NARS2: variants seen among roughly 807,000 people sequenced by gnomAD.
The protein encoded by NARS2 is asparaginyl-tRNA synthetase.
A neutral mutation model predicts 62.9 loss-of-function variants in NARS2; 60 were observed. The ratio of observed to expected loss-of-function variants is 0.95; its 90% confidence interval spans 0.77 to 1.18. The LOEUF is 1.18. Among genes scored for constraint, NARS2 ranks in the 50% most tolerant of loss-of-function variants. The probability of loss-of-function intolerance (pLI) is 0.00; values close to 1 mark genes in which losing one functional copy is unlikely to be tolerated. For synonymous variants in NARS2, 196 were observed against 200.0 expected (o/e 0.98, Z 0.17); for missense variants, 619 against 576.4 (o/e 1.07, Z -0.76).
chr11:78,559,204 G>T (rs577853047), intron 5 of NARS2, among the ~76,000 whole-genome samples: 7 of 149,296 alleles, frequency 4.7e-5, no homozygotes, highest in Non-Finnish European at 1.0e-4. Context: ...TCGGGAGGCC[G>T]AGGCAGGAGA....
chr11:78,515,336 G>T (rs1221792022), intron 6 of NARS2, among the ~76,000 whole-genome samples: 1 of 152,142 alleles, frequency 6.6e-6, no homozygotes, highest in Non-Finnish European at 1.5e-5. Flanking sequence ...GACACAGGTT[G>T]GGAGGTCCCA....
intron 9 of NARS2, among the ~76,000 whole-genome samples, 166 bp from the exon 10 acceptor site, chr11:78,469,479 A>T (rs1858775376): frequency 6.6e-6 from 1 of 152,258 alleles, no homozygotes; most frequent in African/African-American, 2.4e-5. Flanking sequence ...GCCTGAAGAC[A>T]AGTAACCATT....
At chr11:78,493,779 A>G (rs1004734733) in intron 6 of NARS2, among the ~76,000 whole-genome samples, 2 of 152,354 alleles carry the variant, frequency 1.3e-5, no homozygotes, top group East Asian at 1.9e-4. Flanking sequence ...ATATAGAAAC[A>G]TAACCACTTC....
Position 78,574,735 on chromosome 11 carries a change from C to G in NARS2, c.-247G>C, listed in dbSNP as rs578234669. On this transcript the variant is annotated 5_prime_UTR_variant, in exon 1 of 14. Transcript: ENST00000281038. ...ACACTAGGCAAACGCCAGAAAGAAA[C>G]CACGTGCAGTTGGCAGCTGGGGCGC... The G allele has an allele frequency of 4.2e-6, 2 of 479,894 alleles. No homozygotes were observed. The highest frequency in any genetic ancestry group is 7.6e-5 in the Admixed American group (2 of 26,144). 29.7% of individuals were successfully genotyped at this position (479,894 alleles called of 1,614,324 possible). A position where few individuals can be genotyped will look rare whatever the true frequency, so the allele number is the denominator to read the frequency against.
chr11:78,530,759 G>C (rs1229945826), intron 5 of NARS2, among the ~76,000 whole-genome samples: 1 of 152,166 alleles, frequency 6.6e-6, no homozygotes, highest in African/African-American at 2.4e-5. Context: ...GAGCCACCGT[G>C]CCCGGCCTAT....
chr11:78,448,543 C>T (rs1050047176), intron 11 of NARS2, among the ~76,000 whole-genome samples: 4 of 152,090 alleles, frequency 2.6e-5, no homozygotes, highest in Non-Finnish European at 5.9e-5. Context: ...GAGGTCTTGA[C>T]CTCGTGATCC....
intron 5 of NARS2, among the ~76,000 whole-genome samples, chr11:78,545,225 A>G (rs1175910990): frequency 2.0e-5 from 3 of 152,198 alleles, no homozygotes; most frequent in African/African-American, 4.8e-5. Context: ...CATATTATCT[A>G]TATTTGGGAA....
intron 11 of NARS2, among the ~76,000 whole-genome samples, chr11:78,452,087 T>A (rs1004561114): frequency 6.6e-6 from 1 of 152,130 alleles, no homozygotes; most frequent in Non-Finnish European, 1.5e-5. Flanking sequence ...TCAACTATGA[T>A]TCTTTTTTTA....
intron 4 of NARS2, among the ~76,000 whole-genome samples, chr11:78,563,794 G>A (rs1856632733): frequency 9.0e-6 from 1 of 111,538 alleles, no homozygotes; most frequent in South Asian, 3.4e-4. Flanking sequence ...TCATGCCACT[G>A]CACTCCAGCC....
At chr11:78,540,488 T>C (rs1855569403) in intron 5 of NARS2, among the ~76,000 whole-genome samples, 2 of 22,858 alleles carry the variant, frequency 8.7e-5, no homozygotes, top group Non-Finnish European at 3.9e-4. Context: ...ATGGAAAACT[T>C]ATTTGACCTC....
chr11:78,440,604 C>T (rs1857547330), intron 13 of NARS2, among the ~76,000 whole-genome samples: 1 of 152,002 alleles, frequency 6.6e-6, no homozygotes, highest in Non-Finnish European at 1.5e-5. Flanking sequence ...GTGATCTCAG[C>T]TCACTGCAAC....
At chr11:78,440,654 T>A (rs1001890247) in intron 13 of NARS2, among the ~76,000 whole-genome samples, 6 of 151,974 alleles carry the variant, frequency 3.9e-5, no homozygotes, top group African/African-American at 1.5e-4. Context: ...TGCCTCAGCC[T>A]CCCAAGTAGG....
rs747012924 is a variant in NARS2 at position 78,574,366 on chromosome 11, C to A, written c.123G>T (p.Gly41=). The part of the protein sequence containing the change: ...RDALGAQNAS[G]ERIKIQGWIR... ...CACCAACCTGGATCTTAATGCGCTC[C>A]CCACTCGCGTTCTGAGCCCCGAGAG... Residue 41 remains glycine, a synonymous_variant, in exon 1 of 14, where the codon GGG becomes GGT. Coordinates refer to ENST00000281038, the MANE Select transcript of NARS2 (RefSeq NM_024678.6). 2.8e-5 allele frequency: 45 copies of A among 1,614,114 alleles called. No homozygotes were observed. The highest frequency in any genetic ancestry group is 3.8e-5 in the Non-Finnish European group (45 of 1,180,042).
rs377023107 is a variant in NARS2, at chr11:78,475,580, C to CTTTT, written c.959+2854_959+2857dup. Among the ~76,000 whole-genome samples, 35 of 93,974 alleles carry CTTTT rather than the reference C, an allele frequency of 3.7e-4. 2 individuals are homozygous for CTTTT. Among genetic ancestry groups the CTTTT allele is most frequent in the African/African-American group, 1.0e-3 (24 of 23,772 alleles). The allele number at this position is 93,974 out of a possible 152,430, so 61.7% of individuals were successfully genotyped here. A position where few individuals can be genotyped will look rare whatever the true frequency, so the allele number is the denominator to read the frequency against. On this transcript the variant is annotated intron_variant, in intron 9 of 13. Transcript: ENST00000281038. ...TTTGCCAACACCTGTTATCATTTGA[C>CTTTT]TTTTTTTTTTTTTTTTTTTTTTTTT... is the stretch of plus-strand genomic sequence containing the variant.
chr11:78,439,837 T>C (rs780447418), intron 13 of NARS2, among the ~76,000 whole-genome samples: 4 of 152,132 alleles, frequency 2.6e-5, no homozygotes, highest in Non-Finnish European at 4.4e-5. Context: ...TATAGAAATA[T>C]AAATAAAAAA....
At position 78,559,601 on chromosome 11, in the gene NARS2, T is replaced by C; in HGVS notation, c.532A>G (p.Ile178Val). 4 of 1,612,566 alleles carry C rather than the reference T, an allele frequency of 2.5e-6. No individual in the cohort carries two copies. The highest frequency in any genetic ancestry group is 3.4e-6 in the Non-Finnish European group (4 of 1,178,832). ...TTGGATGTGATTATTGGAGTATGAA[T>C]ATGTACAAAGCCACTGTCCTGAAAA... ...SFFKDSGFVH[I>V]HTPIITSNDS... The change falls in exon 5 of 14, where the codon ATT becomes GTT. Residue 178 changes from isoleucine (I) to valine (V), a missense_variant. Physicochemically the swap from Ile to Val is conservative, Grantham distance 29 (BLOSUM62 3). Transcript: ENST00000281038.
In NARS2 at chr11:78,463,725, A is replaced by C. The variant is rs537333255; in HGVS notation, c.1164+2151T>G. ...CTATAGTTAAGGTCAAAAAAAAAAA[A>C]AAAAAAAAAAAACCACAGGACAAGA... On this transcript the variant is annotated intron_variant, in intron 11 of 13. Transcript: ENST00000281038. Among the ~76,000 whole-genome samples, 505 of 149,784 alleles carry C rather than the reference A, an allele frequency of 3.4e-3. 4 individuals are homozygous for C. Among genetic ancestry groups the C allele is most frequent in the African/African-American group, 0.012 (490 of 41,068 alleles).
intron 6 of NARS2, among the ~76,000 whole-genome samples, chr11:78,505,733 G>T (rs1239290864): frequency 6.6e-6 from 1 of 152,058 alleles, no homozygotes; most frequent in Non-Finnish European, 1.5e-5. Flanking sequence ...TAGACTAGCA[G>T]GGTCTTCCCT....
At chr11:78,477,597 T>C (rs1041135329) in intron 9 of NARS2, among the ~76,000 whole-genome samples, 1 of 152,240 alleles carries the variant, frequency 6.6e-6, no homozygotes, top group Non-Finnish European at 1.5e-5. Context: ...GGTCTCCAGA[T>C]ATTTGGTCAA....
Sources: gnomAD v4.1 joint callset for allele counts (sites outside exome capture counted in the v4.1 genomes callset) on GRCh38, gnomAD v4.1.1 for gene constraint, MANE v1.5 for transcripts, NCBI Gene and HGNC (gene_info 2026-07-23, HGNC 2026-07-21) for gene names.